ANP32E: variants seen among roughly 807,000 people sequenced by gnomAD.
ANP32E encodes the protein acidic leucine-rich nuclear phosphoprotein 32 family member E.
A neutral mutation model predicts 35.3 loss-of-function variants in ANP32E; 14 were observed. The ratio of observed to expected loss-of-function variants is 0.40; its 90% CI spans 0.26 to 0.62. ANP32E has a LOEUF of 0.62. Ranked by LOEUF, ANP32E falls within the 20% of genes least tolerant of loss-of-function variation. The probability of loss-of-function intolerance (pLI) is 0.45; values close to 1 mark genes in which losing one functional copy is unlikely to be tolerated. For synonymous variants in ANP32E, 89 were observed against 110.4 expected, an observed-to-expected ratio of 0.81 and a Z score of 1.22; for missense variants, 198 against 304.4, an observed-to-expected ratio of 0.65 and a Z score of 2.60.
chr1:150,230,269 T>TA (rs1231990414), intron 3 of ANP32E, among the ~76,000 whole-genome samples: 4 of 150,178 alleles, frequency 2.7e-5, no homozygotes, highest in Admixed American at 6.6e-5. Context: ...GGACAAATAA[T>TA]AAAAAACTCA....
At chr1:150,229,990 T>C (rs1649227926) in intron 3 of ANP32E, among the ~76,000 whole-genome samples, 1 of 152,214 alleles carries the variant, frequency 6.6e-6, no homozygotes, top group Admixed American at 6.5e-5. Flanking sequence ...TCGAGTTTTA[T>C]AATGAAGGGT....
chr1:150,221,956 G>C (rs1213943297), intron 6 of ANP32E, among the ~76,000 whole-genome samples: 4 of 152,048 alleles, frequency 2.6e-5, no homozygotes, highest in African/African-American at 9.7e-5. Flanking sequence ...AAGGTGTGGT[G>C]GTGGGCACCT....
At chr1:150,222,595 A>G (rs1648518093) in intron 6 of ANP32E, among the ~76,000 whole-genome samples, 1 of 151,258 alleles carries the variant, frequency 6.6e-6, no homozygotes, top group Non-Finnish European at 1.5e-5. Context: ...CTCTAAAAAA[A>G]AAACATACAG....
At chr1:150,227,512 C>T (rs904926213) in intron 4 of ANP32E, among the ~76,000 whole-genome samples, 9 of 151,942 alleles carry the variant, frequency 5.9e-5, no homozygotes, top group South Asian at 4.1e-4. Context: ...AAACCAAATA[C>T]TGCATGCTCA....
intron 3 of ANP32E, 77 bp downstream of exon 3, chr1:150,230,494 G>T: frequency 7.1e-7 from 1 of 1,402,648 alleles, no homozygotes; most frequent in Non-Finnish European, 9.6e-7. Flanking sequence ...GAGTTAAATA[G>T]AAATTAATAG....
At chr1:150,228,946 C>G in intron 4 of ANP32E, 126 bp downstream of exon 4, 1 of 774,986 alleles carries the variant, frequency 1.3e-6, no homozygotes, top group East Asian at 2.7e-5. Context: ...TTAATTTTTT[C>G]TTGTCTTACT....
chr1:150,234,395 T>C, intron 1 of ANP32E, among the ~76,000 whole-genome samples: 1 of 148,706 alleles, frequency 6.7e-6, no homozygotes, highest in East Asian at 2.0e-4. Context: ...TTCCTCTCCC[T>C]GGCCCCTGCC....
rs587697119 is a variant in ANP32E, at chr1:150,236,017, C to T, written c.-231G>A. On this transcript the variant is annotated 5_prime_UTR_variant, in exon 1 of 7. Transcript: ENST00000583931. ...CCACCTCCTTGTCCACACACTAGCG[C>T]GCGCACACACACGCACGCACGCGCG... is the stretch of plus-strand genomic sequence containing the variant. 4 of 554,244 alleles carry T rather than the reference C, an allele frequency of 7.2e-6. No individual in the cohort carries two copies. Among genetic ancestry groups the T allele is most frequent in the African/African-American group, 5.7e-5 (3 of 52,706 alleles). 34.3% of individuals were successfully genotyped at this position (554,244 alleles called of 1,614,324 possible).
At chr1:150,232,603 T>A (rs1649453204) in intron 1 of ANP32E, among the ~76,000 whole-genome samples, 1 of 151,384 alleles carries the variant, frequency 6.6e-6, no homozygotes, top group Non-Finnish European at 1.5e-5. Context: ...CTGGAGTAGC[T>A]GGGATTACAG....
In ANP32E at chr1:150,234,502, A is replaced by G. The variant is rs942584456; in HGVS notation, c.54+1231T>C. 1.3e-5 allele frequency: 10 copies of G among 793,664 alleles called. No homozygotes were observed. The African/African-American group carries it at 1.7e-4, about 13-fold the overall frequency. 49.2% of individuals were successfully genotyped at this position (793,664 alleles called of 1,614,324 possible). A position where few individuals can be genotyped will look rare whatever the true frequency, so the allele number is the denominator to read the frequency against. On this transcript the variant is annotated intron_variant, in intron 1 of 6. Coordinates refer to ENST00000583931, the MANE Select transcript of ANP32E (RefSeq NM_030920.5). Reference sequence around the variant, plus strand: ...CCCAGACAGACCCTGCTCATCCTCTATGCCGATCTGCACAGACACCACCCC... The same window carrying G: ...CCCAGACAGACCCTGCTCATCCTCTGTGCCGATCTGCACAGACACCACCCC...
chr1:150,223,043 C>G (rs1648564705), intron 6 of ANP32E, 143 bp downstream of exon 6: 2 of 1,005,366 alleles, frequency 2.0e-6, no homozygotes, highest in Non-Finnish European at 2.8e-6. Flanking sequence ...TGAAGGCACT[C>G]TATGATAAAG....
intron 5 of ANP32E, 76 bp downstream of exon 5, chr1:150,226,532 C>T (rs1354818514): frequency 6.5e-7 from 1 of 1,539,240 alleles, no homozygotes; most frequent in Admixed American, 2.2e-5. Flanking sequence ...CAGATTGCTA[C>T]AAAACACACT....
Position 150,226,590 on chromosome 1 carries a change from T to C in ANP32E, c.681+18A>G, listed in dbSNP as rs1648892891. The C allele has an allele frequency of 6.2e-7, 1 of 1,612,024 alleles. No individual in the cohort carries two copies. Among genetic ancestry groups the C allele is most frequent in the Non-Finnish European group, 8.5e-7 (1 of 1,179,784 alleles). On this transcript the variant is annotated intron_variant, in intron 5 of 6. Transcript: ENST00000583931. ...CCTAGAAATTAATTTTCAGTGCAGG[T>C]AAGAAGTGTGTATTCACCTGAATTT...
chr1:150,235,710 C>T lies in ANP32E; in HGVS notation c.54+23G>A, dbSNP rs368794036. 5.0e-5 allele frequency: 81 copies of T among 1,613,012 alleles called. No individual in the cohort carries two copies. Among genetic ancestry groups the T allele is most frequent in the Admixed American group, 1.8e-4 (11 of 59,852 alleles). ...TCAGAATACTGGACTGATGGGGAAG[C>T]GGTGGGGGCTGAGTCATCTCACCTC... On this transcript the variant is annotated intron_variant, in intron 1 of 6. Coordinates refer to ENST00000583931, the MANE Select transcript of ANP32E (RefSeq NM_030920.5). The surrounding 1 kb of genome is among the most constrained non-coding windows in gnomAD (Gnocchi z 4.2).
chr1:150,226,068 C>T (rs1275019413), intron 5 of ANP32E, among the ~76,000 whole-genome samples: 1 of 149,082 alleles, frequency 6.7e-6, no homozygotes, highest in South Asian at 2.1e-4. Flanking sequence ...TGCAGAGGCA[C>T]GATCTCAGCT....
At chr1:150,228,568 T>C (rs1649076368) in intron 4 of ANP32E, among the ~76,000 whole-genome samples, 1 of 151,976 alleles carries the variant, frequency 6.6e-6, no homozygotes, top group South Asian at 2.1e-4. Context: ...GGCGGGCACC[T>C]GTAATCCCAG....
Position 150,220,284 on chromosome 1 carries a change from C to T in ANP32E, c.*407G>A, listed in dbSNP as rs1276835381. 1 of 150,234 alleles carries T rather than the reference C, an allele frequency of 6.7e-6. No homozygotes were observed. Among genetic ancestry groups the T allele is most frequent in the African/African-American group, 2.5e-5 (1 of 40,556 alleles). The allele number at this position is 150,234 out of a possible 1,614,324, so 9.3% of individuals were successfully genotyped here. On this transcript the variant is annotated 3_prime_UTR_variant, in exon 7 of 7. Transcript: ENST00000583931. Reference sequence around the variant, plus strand: ...ACCTACTAAAAAAATAACCAACTTACCACTCAAGAGACTATTGTCATTTTA... The same window carrying T: ...ACCTACTAAAAAAATAACCAACTTATCACTCAAGAGACTATTGTCATTTTA...
chr1:150,226,803 A>T lies in ANP32E; in HGVS notation c.494-8T>A. On this transcript the variant is annotated splice_polypyrimidine_tract_variant and splice_region_variant and intron_variant, in intron 4 of 6. Coordinates refer to ENST00000583931, the MANE Select transcript of ANP32E (RefSeq NM_030920.5). Reference sequence around the variant, plus strand: ...CATCATCTTCATCGCCATCTTTAAAAAATCATTTAAAGATGAGTAAATGAC... The same window carrying T: ...CATCATCTTCATCGCCATCTTTAAATAATCATTTAAAGATGAGTAAATGAC... 1 of 1,596,222 alleles carries T rather than the reference A, an allele frequency of 6.3e-7. No individual in the cohort carries two copies.
Position 150,235,476 on chromosome 1 carries a change from C to T in ANP32E, c.54+257G>A, listed in dbSNP as rs1227248314. The stretch of plus-strand genomic sequence containing the variant: ...TTCCCGCCCCCACGAGGTCAGGACG[C>T]CCGACTCGATGAAAGCCGAAAGGAG... On this transcript the variant is annotated intron_variant, in intron 1 of 6. Transcript: ENST00000583931. This position sits in a 1 kb window ranked among gnomAD's most constrained non-coding sequence, Gnocchi z 4.2. Among the ~76,000 whole-genome samples the T allele has an allele frequency of 6.6e-6, 1 of 152,228 alleles. No homozygotes were observed. The highest frequency in any genetic ancestry group is 1.5e-5 in the Non-Finnish European group (1 of 68,038).
Sources: gnomAD v4.1 joint callset for allele counts (sites outside exome capture counted in the v4.1 genomes callset) on GRCh38, gnomAD v4.1.1 for gene constraint, Gnocchi (gnomAD v3.1) non-coding constraint, MANE v1.5 for transcripts, NCBI Gene and HGNC (gene_info 2026-07-23, HGNC 2026-07-21) for gene names.